Variants in SPOPL observed in about 807,000 individuals in gnomAD.
SPOPL encodes the protein speckle-type POZ protein-like.
Under a neutral mutation model 53.8 loss-of-function variants are expected in SPOPL, and 23 were observed. That is an observed-to-expected ratio of 0.43 (90% CI 0.31 to 0.61). The LOEUF is 0.61. Ranked by LOEUF, SPOPL falls within the 20% of genes least tolerant of loss-of-function variation. The pLI, the probability that SPOPL is intolerant of heterozygous loss-of-function variation, is 0.12. For synonymous variants in SPOPL, 164 were observed against 149.7 expected, an observed-to-expected ratio of 1.10 and a Z score of -0.70; for missense variants, 442 against 466.9, an observed-to-expected ratio of 0.95 and a Z score of 0.49.
intron 1 of SPOPL, among the ~76,000 whole-genome samples, chr2:138,530,775 T>G (rs1404865821): frequency 1.3e-5 from 2 of 152,200 alleles, no homozygotes; most frequent in East Asian, 3.8e-4. Context: ...GACCGTTTTC[T>G]TTATGCCTTT....
At chr2:138,502,805 A>G (rs533217740) in intron 1 of SPOPL, among the ~76,000 whole-genome samples, 26 of 152,210 alleles carry the variant, frequency 1.7e-4, no homozygotes, top group Admixed American at 4.6e-4. Flanking sequence ...TTTTGAGTCA[A>G]TGTATTTGTA....
At chr2:138,524,840 G>A (rs1034897205) in intron 1 of SPOPL, among the ~76,000 whole-genome samples, 40 of 152,026 alleles carry the variant, frequency 2.6e-4, no homozygotes, top group African/African-American at 9.4e-4. Context: ...TGTCTCTAGG[G>A]AATTCCAAAC....
chr2:138,561,590 G>A (rs556532702), intron 8 of SPOPL, among the ~76,000 whole-genome samples: 7 of 152,256 alleles, frequency 4.6e-5, no homozygotes, highest in African/African-American at 1.7e-4. Context: ...TACCATTGGG[G>A]AAATTGGACC....
At chr2:138,554,554 A>T in intron 5 of SPOPL, 1 of 1,262,416 alleles carries the variant, frequency 7.9e-7, no homozygotes, top group South Asian at 1.3e-5. Flanking sequence ...GTTGGGTGCT[A>T]CCCTTTTTGC....
At chr2:138,509,639 A>G (rs1368598457) in intron 1 of SPOPL, among the ~76,000 whole-genome samples, 1 of 152,106 alleles carries the variant, frequency 6.6e-6, no homozygotes, top group Non-Finnish European at 1.5e-5. Context: ...TTCACTGAAG[A>G]AGTTGAGCAG....
intron 7 of SPOPL, among the ~76,000 whole-genome samples, 174 bp from the exon 8 acceptor site, chr2:138,560,631 T>C (rs2104901810): frequency 6.6e-6 from 1 of 152,222 alleles, no homozygotes; most frequent in Admixed American, 6.5e-5. Context: ...CTTAATGAAG[T>C]TTACCTACCT....
rs527722335 is a variant in SPOPL, at chr2:138,566,738, T to TA, written c.1034+1753dup. Among the ~76,000 whole-genome samples the TA allele has an allele frequency of 3.1e-4, 47 of 152,162 alleles. 1 individual carries two copies. The highest frequency in any genetic ancestry group is 3.4e-3 in the Middle Eastern group (1 of 294). ...AAGTACAATGCTAGGGTGCTGCATA[T>TA]AAAAAAAATTTCAAGGGAAAATTCT... On this transcript the variant is annotated intron_variant, in intron 10 of 10. Coordinates refer to ENST00000280098, the MANE Select transcript of SPOPL (RefSeq NM_001001664.3).
chr2:138,562,966 C>T (rs1057511398), intron 8 of SPOPL, among the ~76,000 whole-genome samples: 2 of 152,030 alleles, frequency 1.3e-5, no homozygotes, highest in Non-Finnish European at 2.9e-5. Context: ...ATTTCAACTT[C>T]TTTTCTTCGA....
At chr2:138,507,386 A>G (rs796901928) in intron 1 of SPOPL, among the ~76,000 whole-genome samples, 5 of 152,364 alleles carry the variant, frequency 3.3e-5, no homozygotes, top group African/African-American at 1.2e-4. Context: ...GTATGGGATT[A>G]GAATTCAGAG....
At chr2:138,503,334 T>C (rs2104849530) in intron 1 of SPOPL, among the ~76,000 whole-genome samples, 1 of 152,320 alleles carries the variant, frequency 6.6e-6, no homozygotes, top group Non-Finnish European at 1.5e-5. Flanking sequence ...GGGGTTATGA[T>C]ATGACATCAC....
At chr2:138,514,681 A>G (rs1684402024) in intron 1 of SPOPL, among the ~76,000 whole-genome samples, 1 of 152,098 alleles carries the variant, frequency 6.6e-6, no homozygotes. Context: ...CTGTCTGTGC[A>G]TGTCTTTTGG....
chr2:138,533,973 A>C (rs1372527810), intron 1 of SPOPL, among the ~76,000 whole-genome samples: 6 of 152,256 alleles, frequency 3.9e-5, no homozygotes, highest in South Asian at 2.1e-4. Context: ...TAACTGGATA[A>C]AATTTTGATA....
rs1437814749 is a variant in SPOPL at position 138,567,490 on chromosome 2, A to G, written c.1035-1446A>G. ...GCTGGAGAAAGTAGGCAGAGATCAG[A>G]CCCTGAAAGGCCATGTAAAATAACA... On this transcript the variant is annotated intron_variant, in intron 10 of 10. Transcript: ENST00000280098. 2.0e-5 allele frequency among the ~76,000 whole-genome samples: 3 copies of G among 150,824 alleles called. No homozygotes were observed. The East Asian group carries it at 5.8e-4, about 29-fold the overall frequency.
intron 1 of SPOPL, among the ~76,000 whole-genome samples, chr2:138,546,465 A>G (rs1376499057): frequency 1.3e-5 from 2 of 152,322 alleles, no homozygotes; most frequent in African/African-American, 4.8e-5. Flanking sequence ...TCTTATGAAG[A>G]GGAAGAAAAA....
chr2:138,537,148 T>TAGC, intron 1 of SPOPL, among the ~76,000 whole-genome samples: 1 of 152,140 alleles, frequency 6.6e-6, no homozygotes. Context: ...GCTAGAGGTG[T>TAGC]AGCAGCATGA....
chr2:138,511,433 G>C (rs777089660), intron 1 of SPOPL, among the ~76,000 whole-genome samples: 1 of 152,148 alleles, frequency 6.6e-6, no homozygotes, highest in Non-Finnish European at 1.5e-5. Context: ...TTTCCTTATA[G>C]ATTATTTTAT....
At chr2:138,546,987 A>G (rs1251777748) in intron 1 of SPOPL, among the ~76,000 whole-genome samples, 1 of 152,008 alleles carries the variant, frequency 6.6e-6, no homozygotes. Context: ...TATTTTTGAG[A>G]TGGAGTCTCA....
Position 138,535,313 on chromosome 2 carries a change from T to C in SPOPL, c.-60-14844T>C, listed in dbSNP as rs566393597. On this transcript the variant is annotated intron_variant, in intron 1 of 10. Transcript: ENST00000280098. ...TGTGAATACTGCAGCAAAGAACATT[T>C]ATGTTTCAGTCATTTGAACACCTGT... 1.3e-5 allele frequency among the ~76,000 whole-genome samples: 2 copies of C among 152,346 alleles called. 1 individual carries two copies. Among genetic ancestry groups the C allele is most frequent in the East Asian group, 3.9e-4 (2 of 5,190 alleles).
intron 10 of SPOPL, among the ~76,000 whole-genome samples, chr2:138,567,986 G>A (rs35595094): frequency 0.096 from 14,589 of 152,084 alleles, 860 homozygotes; most frequent in Middle Eastern, 0.13. Flanking sequence ...GGAAGTGGGA[G>A]GTAGGAAGTG....
Sources: gnomAD v4.1 joint callset for allele counts (sites outside exome capture counted in the v4.1 genomes callset) on GRCh38, gnomAD v4.1.1 for gene constraint, MANE v1.5 for transcripts, NCBI Gene and HGNC (gene_info 2026-07-23, HGNC 2026-07-21) for gene names.